The following ARL6IP6 variants were observed in gnomAD, a reference collection of about 807,000 sequenced individuals.
ARL6IP6 encodes the protein ADP-ribosylation factor-like protein 6-interacting protein 6.
A neutral mutation model predicts 21.5 loss-of-function variants in ARL6IP6; 22 were observed. The observed-to-expected ratio is 1.02, with a 90% CI of 0.73 to 1.46. ARL6IP6 has a LOEUF of 1.46. Ranked by LOEUF, ARL6IP6 falls within the 40% of genes most tolerant of loss-of-function variation. ARL6IP6 has a pLI of 0.00. For synonymous variants in ARL6IP6, 164 were observed against 125.3 expected (o/e 1.31, Z -2.06); for missense variants, 388 against 299.8 (o/e 1.29, Z -2.17).
At chr2:152,717,690 A>G (rs1243250951), upstream of ARL6IP6, 3 of 1,397,736 alleles carry the variant, frequency 2.1e-6, no homozygotes, top group Admixed American at 3.0e-5. Context: ...CGTCGGGAAA[A>G]CTCTACCAAC....
At chr2:152,717,969 AGAGGGTTCGATCT>A, upstream of ARL6IP6, 9 of 1,004,338 alleles carry the variant, frequency 9.0e-6, no homozygotes, top group Non-Finnish European at 1.1e-5. Flanking sequence ...GGTTCGGAGG[AGAGGGTTCGATCT>A]CCGTACGCAC....
intron 3 of ARL6IP6, among the ~76,000 whole-genome samples, chr2:152,745,001 T>C (rs760664804): frequency 6.6e-6 from 1 of 152,174 alleles, no homozygotes; most frequent in Non-Finnish European, 1.5e-5. Context: ...TTACTTCCTA[T>C]GTAAAGCGTT....
At chr2:152,723,423 G>A (rs1469019289) in intron 2 of ARL6IP6, among the ~76,000 whole-genome samples, 3 of 151,966 alleles carry the variant, frequency 2.0e-5, no homozygotes, top group African/African-American at 7.3e-5. Context: ...TTATTTCTTG[G>A]CATACTTATT....
intron 2 of ARL6IP6, among the ~76,000 whole-genome samples, chr2:152,725,001 CTGTA>C (rs1484686386): frequency 1.3e-5 from 2 of 152,248 alleles, no homozygotes; most frequent in South Asian, 2.1e-4. Context: ...ACTTAATTGG[CTGTA>C]TGTGTCAGTG....
intron 2 of ARL6IP6, among the ~76,000 whole-genome samples, chr2:152,728,250 A>T (rs1700135479): frequency 6.6e-6 from 1 of 152,170 alleles, no homozygotes; most frequent in African/African-American, 2.4e-5. Flanking sequence ...CTTACCCAGG[A>T]CTTGGAAATT....
At chr2:152,739,550 A>G (rs1485826249) in intron 3 of ARL6IP6, among the ~76,000 whole-genome samples, 1 of 152,152 alleles carries the variant, frequency 6.6e-6, no homozygotes, top group Non-Finnish European at 1.5e-5. Context: ...ATTTTGGTCA[A>G]AGCCATTCAG....
rs566849737 is a variant in ARL6IP6, at chr2:152,724,774, G to A, written c.454+4188G>A. 4.6e-5 allele frequency among the ~76,000 whole-genome samples: 7 copies of A among 152,312 alleles called. No individual in the cohort carries two copies. In the South Asian group the frequency reaches 1.4e-3, roughly 32 times the overall value. Reference sequence around the variant, plus strand: ...ATGGTGCAGAATATCTGACTCAGTAGTGTGAGATGGAGCCCAAGAATTTTC... The same window carrying A: ...ATGGTGCAGAATATCTGACTCAGTAATGTGAGATGGAGCCCAAGAATTTTC... On this transcript the variant is annotated intron_variant, in intron 2 of 3. Coordinates refer to ENST00000326446, the MANE Select transcript of ARL6IP6 (RefSeq NM_152522.7).
intron 1 of ARL6IP6, among the ~76,000 whole-genome samples, chr2:152,719,512 T>C (rs1699613224): frequency 6.6e-6 from 1 of 152,126 alleles, no homozygotes; most frequent in African/African-American, 2.4e-5. Context: ...ATAATTAGCC[T>C]CTCAGTTTTT....
rs528193867 is a variant in ARL6IP6, at chr2:152,719,003, A to G, written c.379A>G (p.Ile127Val). The change falls in exon 1 of 4, where the codon ATC (isoleucine) becomes GTC (valine). Residue 127 changes from isoleucine (I) to valine (V), a missense_variant. Physicochemically the swap from Ile to Val is conservative, Grantham distance 29. Coordinates refer to ENST00000326446, the MANE Select transcript of ARL6IP6 (RefSeq NM_152522.7). ...CATTCTTCTCGCCTTCCTCCTCGCC[A>G]TCGCCTACTTGATCGTTAAAGGTAT... ...FAILLAFLLA[I>V]AYLIVKELHA... The G allele has an allele frequency of 3.8e-6, 6 of 1,576,798 alleles. No individual in the cohort carries two copies. The South Asian group carries it at 6.9e-5, about 18-fold the overall frequency.
At chr2:152,737,458 A>G (rs868057445) in intron 3 of ARL6IP6, among the ~76,000 whole-genome samples, 43 of 152,138 alleles carry the variant, frequency 2.8e-4, no homozygotes, top group Non-Finnish European at 5.9e-5. Context: ...TCAATTTTCC[A>G]TGTATTTATT....
chr2:152,719,805 A>G (rs1329547221), intron 1 of ARL6IP6: 6 of 386,878 alleles, frequency 1.6e-5, no homozygotes, highest in Non-Finnish European at 2.7e-5. Context: ...AAAAGCACCC[A>G]AAACATTGTC....
intron 3 of ARL6IP6, 44 bp downstream of exon 3, chr2:152,735,170 C>G: frequency 6.2e-7 from 1 of 1,601,282 alleles, no homozygotes; most frequent in Non-Finnish European, 8.5e-7. Flanking sequence ...TGCATTTCAA[C>G]TCTTGAAAAT....
chr2:152,717,881 T>A (rs1046107160), upstream of ARL6IP6: 1 of 1,036,498 alleles, frequency 9.6e-7, no homozygotes, highest in Admixed American at 5.4e-5. Context: ...CAGCCTGTAG[T>A]GTTAGCGGTG....
rs150439082 is a variant in ARL6IP6, at chr2:152,726,176, A to G, written c.454+5590A>G. ...TTTTTTAATTTTCCCATGTGAATCTAATGATTTACCAATGTTGGGAACTAC... is the reference window on the plus strand; with the variant it reads ...TTTTTTAATTTTCCCATGTGAATCTGATGATTTACCAATGTTGGGAACTAC... On this transcript the variant is annotated intron_variant, in intron 2 of 3. Coordinates refer to ENST00000326446, the MANE Select transcript of ARL6IP6 (RefSeq NM_152522.7). Among the ~76,000 whole-genome samples the G allele has an allele frequency of 4.5e-3, 686 of 152,168 alleles. 3 individuals are homozygous for G. The highest frequency in any genetic ancestry group is 0.016 in the African/African-American group (665 of 41,504).
chr2:152,758,720 G>C (rs766641686), intron 3 of ARL6IP6, among the ~76,000 whole-genome samples: 2 of 152,164 alleles, frequency 1.3e-5, no homozygotes, highest in Non-Finnish European at 2.9e-5. Flanking sequence ...CTTCTTTGAA[G>C]AATGTACCTT....
chr2:152,719,750 G>GAAAAAAA (rs11328553), intron 1 of ARL6IP6: 97 of 255,088 alleles, frequency 3.8e-4, no homozygotes, highest in Middle Eastern at 1.6e-3. Flanking sequence ...CCAAGTTACT[G>GAAAAAAA]AAAAAAAAAA....
rs1700348205 is a variant in ARL6IP6, at chr2:152,732,177, A to G, written c.455-2817A>G. The stretch of plus-strand genomic sequence containing the variant: ...TATATAAAATTGTATATTATAATAT[A>G]CAGAGATATATTGTCCTAAAGACAT... On this transcript the variant is annotated intron_variant, in intron 2 of 3. Coordinates refer to ENST00000326446, the MANE Select transcript of ARL6IP6 (RefSeq NM_152522.7). 2.0e-5 allele frequency among the ~76,000 whole-genome samples: 3 copies of G among 151,972 alleles called. No homozygotes were observed. The South Asian group carries it at 6.2e-4, about 31-fold the overall frequency.
chr2:152,746,652 AAGT>A (rs1334919641), intron 3 of ARL6IP6, among the ~76,000 whole-genome samples: 2 of 152,096 alleles, frequency 1.3e-5, no homozygotes, highest in Non-Finnish European at 2.9e-5. Context: ...CATAGGCAGT[AAGT>A]GTAAGTTTAC....
chr2:152,731,787 T>A (rs536445812), intron 2 of ARL6IP6, among the ~76,000 whole-genome samples: 1 of 152,292 alleles, frequency 6.6e-6, no homozygotes, highest in South Asian at 2.1e-4. Flanking sequence ...CTTCCAGAAA[T>A]TTTTTAAAAT....
Sources: allele counts gnomAD v4.1 joint callset (sites outside exome capture counted in the v4.1 genomes callset), GRCh38; gene constraint gnomAD v4.1.1; transcripts MANE v1.5; gene names NCBI Gene and HGNC (gene_info 2026-07-23, HGNC 2026-07-21).